Variants in AGPAT4 observed in about 807,000 individuals in gnomAD.
AGPAT4 encodes the protein 1-acylglycerol-3-phosphate O-acyltransferase 4.
In AGPAT4, 15 loss-of-function variants were observed where a neutral mutation model predicts 48.0. The observed-to-expected ratio is 0.31, with a 90% CI of 0.21 to 0.48. The LOEUF (loss-of-function observed/expected upper bound fraction) is 0.48. Ranked by LOEUF, AGPAT4 falls within the 20% of genes least tolerant of loss-of-function variation. The pLI is 0.99. For missense variants in AGPAT4, 314 were observed against 482.5 expected, an observed-to-expected ratio of 0.65 and a Z score of 3.27; for synonymous variants, 178 against 198.7, an observed-to-expected ratio of 0.90 and a Z score of 0.88.
At chr6:161,186,735 C>A (rs952618552) in intron 2 of AGPAT4, among the ~76,000 whole-genome samples, 1 of 152,180 alleles carries the variant, frequency 6.6e-6, no homozygotes, top group Non-Finnish European at 1.5e-5. Flanking sequence ...TTCTCCCCAC[C>A]GCACTTCCTG....
rs537146566 is a variant in AGPAT4, at chr6:161,145,692, G to A, written c.843+832C>T. On this transcript the variant is annotated intron_variant, in intron 7 of 8. Coordinates refer to ENST00000320285, the MANE Select transcript of AGPAT4 (RefSeq NM_020133.3). ...CAGAGGACATCCTGCAAAGCTCTGG[G>A]TAATTCTCTCCTTTGAGAAACAGAG... is the stretch of plus-strand genomic sequence containing the variant. 3.3e-5 allele frequency among the ~76,000 whole-genome samples: 5 copies of A among 151,708 alleles called. No homozygotes were observed. In the South Asian group the frequency reaches 1.0e-3, roughly 31 times the overall value.
chr6:161,185,262 C>G (rs1780734981), intron 2 of AGPAT4, among the ~76,000 whole-genome samples: 1 of 140,926 alleles, frequency 7.1e-6, no homozygotes, highest in African/African-American at 2.6e-5. Flanking sequence ...TAATGACATT[C>G]TGATTATGTT....
chr6:161,218,745 T>C lies in AGPAT4; in HGVS notation c.178+13291A>G, dbSNP rs1781725725. ...GCTGTCCTCAACACTTTCCATATCA[T>C]GTAACCATATACTCTGAGGTGGCAG... On this transcript the variant is annotated intron_variant, in intron 2 of 8. Transcript: ENST00000320285. The surrounding 1 kb of genome is among the most constrained non-coding windows in gnomAD (Gnocchi z 4.7). Among the ~76,000 whole-genome samples the C allele has an allele frequency of 6.6e-6, 1 of 152,234 alleles. No individual in the cohort carries two copies. Among genetic ancestry groups the C allele is most frequent in the Non-Finnish European group, 1.5e-5 (1 of 68,052 alleles).
chr6:161,160,910 G>C (rs1779909810), intron 3 of AGPAT4: 1 of 429,890 alleles, frequency 2.3e-6, no homozygotes, highest in South Asian at 1.7e-5. Flanking sequence ...AAAGTAATAG[G>C]AGCGATTGGC....
At position 161,204,998 on chromosome 6, in the gene AGPAT4, G is replaced by C. The variant is rs1264379201; in HGVS notation, c.178+27038C>G. ...TGAAAAGACACTGGACAGAAACCAGGAAGGAAGCCAGCCTCAGCCTCACCA... is the reference window on the plus strand; with the variant it reads ...TGAAAAGACACTGGACAGAAACCAGCAAGGAAGCCAGCCTCAGCCTCACCA... On this transcript the variant is annotated intron_variant, in intron 2 of 8. Coordinates refer to ENST00000320285, the MANE Select transcript of AGPAT4 (RefSeq NM_020133.3). The surrounding 1 kb of genome is among the most constrained non-coding windows in gnomAD (Gnocchi z 4.4). Among the ~76,000 whole-genome samples the C allele has an allele frequency of 1.3e-5, 2 of 152,174 alleles. No homozygotes were observed. The highest frequency in any genetic ancestry group is 4.8e-5 in the African/African-American group (2 of 41,446).
intron 5 of AGPAT4, among the ~76,000 whole-genome samples, chr6:161,151,077 T>C (rs888950849): frequency 1.3e-5 from 2 of 152,140 alleles, no homozygotes; most frequent in African/African-American, 4.8e-5. Flanking sequence ...AAAAGTGTCT[T>C]GAATGGAGAG....
At chr6:161,181,518 G>A (rs945562349) in intron 2 of AGPAT4, among the ~76,000 whole-genome samples, 11 of 151,792 alleles carry the variant, frequency 7.2e-5, no homozygotes, top group Admixed American at 1.3e-4. Flanking sequence ...GGCGGGGGGC[G>A]CTTCCTAACT....
rs986160940 is a variant in AGPAT4, at chr6:161,138,537, G to A, written c.1042+885C>T. 7.9e-5 allele frequency among the ~76,000 whole-genome samples: 12 copies of A among 152,174 alleles called. No individual in the cohort carries two copies. The highest frequency in any genetic ancestry group is 2.9e-4 in the African/African-American group (12 of 41,444). On this transcript the variant is annotated intron_variant, in intron 8 of 8. Transcript: ENST00000320285. This position sits in a 1 kb window ranked among gnomAD's most constrained non-coding sequence, Gnocchi z 4.8. ...TGTCATTAACGATTATCTGGGAAGT[G>A]GGCTCAATGGGAATGGTCTCCTGAC...
At position 161,229,084 on chromosome 6, in the gene AGPAT4, C is replaced by T. The variant is rs767628234; in HGVS notation, c.178+2952G>A. ...GGCCTTTTGCATGAGAGCTTTACCA[C>T]GCCAGGGCTGGTAACTGCTTTGAAC... On this transcript the variant is annotated intron_variant, in intron 2 of 8. Transcript: ENST00000320285. This position sits in a 1 kb window ranked among gnomAD's most constrained non-coding sequence, Gnocchi z 6.0. Among the ~76,000 whole-genome samples, 10 of 151,916 alleles carry T rather than the reference C, an allele frequency of 6.6e-5. No homozygotes were observed. The highest frequency in any genetic ancestry group is 2.1e-4 in the South Asian group (1 of 4,792).
At position 161,206,625 on chromosome 6, in the gene AGPAT4, C is replaced by T. The variant is rs1353861597; in HGVS notation, c.178+25411G>A. 2.0e-5 allele frequency among the ~76,000 whole-genome samples: 3 copies of T among 152,082 alleles called. No homozygotes were observed. The highest frequency in any genetic ancestry group is 2.9e-5 in the Non-Finnish European group (2 of 68,012). On this transcript the variant is annotated intron_variant, in intron 2 of 8. Coordinates refer to ENST00000320285, the MANE Select transcript of AGPAT4 (RefSeq NM_020133.3). The surrounding 1 kb of genome is among the most constrained non-coding windows in gnomAD (Gnocchi z 4.8). ...CATAATTCTCCAAATGTCCAAGATA[C>T]AATTGAAAAATCACTTGACATGCCA...
At chr6:161,209,624 G>A (rs1781470674) in intron 2 of AGPAT4, among the ~76,000 whole-genome samples, 1 of 152,132 alleles carries the variant, frequency 6.6e-6, no homozygotes, top group South Asian at 2.1e-4. Flanking sequence ...CTCCATGTCA[G>A]ACCCGAACAG....
Position 161,158,795 on chromosome 6 carries a change from T to C in AGPAT4, c.349-4485A>G, listed in dbSNP as rs1016036850. Among the ~76,000 whole-genome samples, 4 of 152,178 alleles carry C rather than the reference T, an allele frequency of 2.6e-5. No individual in the cohort carries two copies. Among genetic ancestry groups the C allele is most frequent in the Admixed American group, 2.6e-4 (4 of 15,278 alleles). On this transcript the variant is annotated intron_variant, in intron 3 of 8. Transcript: ENST00000320285. This position sits in a 1 kb window ranked among gnomAD's most constrained non-coding sequence, Gnocchi z 5.3. The stretch of plus-strand genomic sequence containing the variant: ...AATGGCTACTCATCAAGGCTTCAGA[T>C]GAAGATTCCAAACCCCGGTGCTGCG...
chr6:161,168,180 G>A (rs948359580), intron 2 of AGPAT4, among the ~76,000 whole-genome samples: 1 of 152,112 alleles, frequency 6.6e-6, no homozygotes, highest in African/African-American at 2.4e-5. Flanking sequence ...GCCTGACAAA[G>A]GGACAGAGGG....
At chr6:161,193,293 G>A (rs545958436) in intron 2 of AGPAT4, among the ~76,000 whole-genome samples, 4 of 152,242 alleles carry the variant, frequency 2.6e-5, no homozygotes, top group South Asian at 4.1e-4. Context: ...AAACCCATAC[G>A]GTGAGCTTTT....
rs1022554933 is a variant in AGPAT4, at chr6:161,165,870, G to C, written c.348+378C>G. 1.0e-5 allele frequency: 6 copies of C among 594,072 alleles called. No individual in the cohort carries two copies. The highest frequency in any genetic ancestry group is 4.6e-4 in the Middle Eastern group (1 of 2,192). The allele number at this position is 594,072 out of a possible 1,614,324, so 36.8% of individuals were successfully genotyped here. Reference sequence around the variant, plus strand: ...AGGAGGCAGTAGAGCATGGAATTAAGAAATATGGATGGGAGTGAAATCCAA... The same window carrying C: ...AGGAGGCAGTAGAGCATGGAATTAACAAATATGGATGGGAGTGAAATCCAA... On this transcript the variant is annotated intron_variant, in intron 3 of 8. Transcript: ENST00000320285. This position sits in a 1 kb window ranked among gnomAD's most constrained non-coding sequence, Gnocchi z 5.5.
chr6:161,136,483 A>C lies in AGPAT4; in HGVS notation c.*57T>G, dbSNP rs1779069557. 1.3e-6 allele frequency: 2 copies of C among 1,491,966 alleles called. No individual in the cohort carries two copies. Among genetic ancestry groups the C allele is most frequent in the East Asian group, 2.3e-5 (1 of 44,260 alleles). 92.4% of individuals were successfully genotyped at this position (1,491,966 alleles called of 1,614,324 possible). A position where few individuals can be genotyped will look rare whatever the true frequency, so the allele number is the denominator to read the frequency against. On this transcript the variant is annotated 3_prime_UTR_variant, in exon 9 of 9. Transcript: ENST00000320285. ...TTGTCACCGTGTCCCACTAAGGAGGATATGCAGAGGCCACCAGTTCCCCAA... is the reference window on the plus strand; with the variant it reads ...TTGTCACCGTGTCCCACTAAGGAGGCTATGCAGAGGCCACCAGTTCCCCAA...
chr6:161,160,995 C>T (rs1218392514), intron 3 of AGPAT4: 6 of 456,290 alleles, frequency 1.3e-5, no homozygotes, highest in Non-Finnish European at 2.6e-5. Context: ...GCAGATGGGG[C>T]ATCAGAGGGC....
Position 161,164,072 on chromosome 6 carries a change from G to T in AGPAT4, c.348+2176C>A, listed in dbSNP as rs370241211. ...ATGCTGCAGGTGGGATGGGCGTGCTGTTGACTTGCTTTCCCGCCATCAGCG... is the reference window on the plus strand; with the variant it reads ...ATGCTGCAGGTGGGATGGGCGTGCTTTTGACTTGCTTTCCCGCCATCAGCG... On this transcript the variant is annotated intron_variant, in intron 3 of 8. Transcript: ENST00000320285. The surrounding 1 kb of genome is among the most constrained non-coding windows in gnomAD (Gnocchi z 7.4). 6.6e-6 allele frequency among the ~76,000 whole-genome samples: 1 copy of T among 152,210 alleles called. No homozygotes were observed. Among genetic ancestry groups the T allele is most frequent in the African/African-American group, 2.4e-5 (1 of 41,452 alleles).
Position 161,156,088 on chromosome 6 carries a change from G to A in AGPAT4, c.349-1778C>T, listed in dbSNP as rs920489779. Among the ~76,000 whole-genome samples, 4 of 152,190 alleles carry A rather than the reference G, an allele frequency of 2.6e-5. No individual in the cohort carries two copies. In the East Asian group the frequency reaches 5.8e-4, roughly 22 times the overall value. On this transcript the variant is annotated intron_variant, in intron 3 of 8. Coordinates refer to ENST00000320285, the MANE Select transcript of AGPAT4 (RefSeq NM_020133.3). ...GAAACGACAACTTTGACAGTGATGC[G>A]GCTTATCTAGACCCGTAGATGGTCA...
Sources: allele counts gnomAD v4.1 joint callset (sites outside exome capture counted in the v4.1 genomes callset), GRCh38; gene constraint gnomAD v4.1.1; non-coding constraint Gnocchi (gnomAD v3.1); transcripts MANE v1.5; gene names NCBI Gene and HGNC (gene_info 2026-07-23, HGNC 2026-07-21).